Variants in STARD3 observed in about 807,000 individuals in gnomAD.
The protein encoded by STARD3 is stAR-related lipid transfer protein 3.
Under a neutral mutation model 62.0 loss-of-function variants are expected in STARD3, and 39 were observed. That is an observed-to-expected ratio of 0.63 (90% confidence interval 0.49 to 0.82). The LOEUF (loss-of-function observed/expected upper bound fraction) is 0.82. STARD3 is among the 40% of genes least tolerant of loss of function. The probability of loss-of-function intolerance (pLI) is 0.00; values close to 1 mark genes in which losing one functional copy is unlikely to be tolerated. For missense variants in STARD3, 543 were observed against 584.5 expected, an observed-to-expected ratio of 0.93 and a Z score of 0.73; for synonymous variants, 229 against 242.4, an observed-to-expected ratio of 0.94 and a Z score of 0.51.
chr17:39,651,245 A>C (rs928165823), intron 1 of STARD3, among the ~76,000 whole-genome samples: 1 of 152,232 alleles, frequency 6.6e-6, no homozygotes, highest in Non-Finnish European at 1.5e-5. Context: ...GCACAGGGGC[A>C]GAGGGATGGA....
intron 1 of STARD3, among the ~76,000 whole-genome samples, chr17:39,644,345 A>AGTGGTG (rs1056899882): frequency 6.6e-6 from 1 of 152,068 alleles, no homozygotes; most frequent in Admixed American, 6.5e-5. Flanking sequence ...GGAGACTCGA[A>AGTGGTG]GTGGTGGTGG....
chr17:39,658,185 C>A, intron 5 of STARD3, 159 bp downstream of exon 5: 1 of 943,874 alleles, frequency 1.1e-6, no homozygotes, highest in South Asian at 1.4e-5. Context: ...TCATCCTTCA[C>A]CCGCTTCCCT....
At chr17:39,644,608 G>A (rs939717128) in intron 1 of STARD3, among the ~76,000 whole-genome samples, 11 of 151,162 alleles carry the variant, frequency 7.3e-5, no homozygotes, top group African/African-American at 2.7e-4. Context: ...GGCCAAGGCG[G>A]GGAGATTGCT....
chr17:39,645,141 G>A (rs2057013590), intron 1 of STARD3, among the ~76,000 whole-genome samples: 1 of 152,194 alleles, frequency 6.6e-6, no homozygotes, highest in Non-Finnish European at 1.5e-5. Flanking sequence ...GTGGGAGCTT[G>A]CAATTGCAGA....
At chr17:39,653,264 A>G in intron 1 of STARD3, 1 of 544,652 alleles carries the variant, frequency 1.8e-6, no homozygotes, top group African/African-American at 1.9e-5. Context: ...GGCTTGGGGC[A>G]GGGAGCACCA....
At chr17:39,658,667 C>T in intron 6 of STARD3, 55 bp from the exon 7 acceptor site, 1 of 1,608,414 alleles carries the variant, frequency 6.2e-7, no homozygotes. Flanking sequence ...GTGGGGGTAC[C>T]CCAGGCTGCT....
intron 1 of STARD3, among the ~76,000 whole-genome samples, chr17:39,641,463 A>C (rs1169653269): frequency 6.6e-6 from 1 of 152,042 alleles, no homozygotes; most frequent in African/African-American, 2.4e-5. Context: ...CTTAAAAAAA[A>C]AAAAAGTGTC....
intron 1 of STARD3, among the ~76,000 whole-genome samples, chr17:39,649,815 G>C (rs528637361): frequency 6.7e-6 from 1 of 148,330 alleles, no homozygotes; most frequent in Non-Finnish European, 1.5e-5. Context: ...GCAGTGAGCT[G>C]GGATCGCGCC....
chr17:39,643,335 C>G (rs2144906142), intron 1 of STARD3, among the ~76,000 whole-genome samples: 1 of 152,276 alleles, frequency 6.6e-6, no homozygotes, highest in South Asian at 2.1e-4. Context: ...AGGTCCCAGC[C>G]TGTCATGGGG....
intron 9 of STARD3, chr17:39,659,839 GT>G (rs1248777323): frequency 4.1e-6 from 2 of 483,442 alleles, no homozygotes; most frequent in Non-Finnish European, 7.4e-6. Context: ...TGCATCCGTT[GT>G]TTCGTTTCAT....
chr17:39,639,401 T>C (rs184322849), intron 1 of STARD3, among the ~76,000 whole-genome samples: 19 of 152,278 alleles, frequency 1.2e-4, no homozygotes, highest in African/African-American at 4.3e-4. Context: ...TAGAGAAATG[T>C]ATAGATCTGG....
chr17:39,663,110 G>T lies in STARD3; in HGVS notation c.*202G>T. ...GACTCCGGGGCCCCACTGGCTGGAG[G>T]AAGTGGGGTCTGGCCTGTTGATGTT... On this transcript the variant is annotated 3_prime_UTR_variant, in exon 15 of 15. Transcript: ENST00000336308. 2 of 520,890 alleles carry T rather than the reference G, an allele frequency of 3.8e-6. No homozygotes were observed. The highest frequency in any genetic ancestry group is 3.3e-6 in the Non-Finnish European group (1 of 300,188). The allele number at this position is 520,890 out of a possible 1,614,324, so 32.3% of individuals were successfully genotyped here. A position where few individuals can be genotyped will look rare whatever the true frequency, so the allele number is the denominator to read the frequency against.
At chr17:39,662,210 A>T (rs746550727) in intron 13 of STARD3, 41 bp from the exon 14 acceptor site, 3 of 1,584,204 alleles carry the variant, frequency 1.9e-6, no homozygotes, top group Non-Finnish European at 2.6e-6. Context: ...TCAGGGCCTC[A>T]CTCTGTTCCA....
chr17:39,656,683 C>G (rs1253727098), intron 2 of STARD3, among the ~76,000 whole-genome samples: 1 of 152,132 alleles, frequency 6.6e-6, no homozygotes, highest in Non-Finnish European at 1.5e-5. Flanking sequence ...TTTCGGCGCC[C>G]TTCTGCTGGC....
chr17:39,639,950 GC>G (rs1475898936), intron 1 of STARD3, among the ~76,000 whole-genome samples: 3 of 152,188 alleles, frequency 2.0e-5, no homozygotes, highest in African/African-American at 7.2e-5. Context: ...TTCTCTGGGA[GC>G]CCACGGTCCT....
intron 2 of STARD3, 88 bp from the exon 3 acceptor site, chr17:39,656,920 C>A: frequency 7.5e-7 from 1 of 1,341,932 alleles, no homozygotes; most frequent in Non-Finnish European, 1.1e-6. Context: ...GTTCCTCCAT[C>A]CCCTACCTCT....
chr17:39,646,052 C>A (rs768296596), intron 1 of STARD3, among the ~76,000 whole-genome samples: 1 of 151,220 alleles, frequency 6.6e-6, no homozygotes, highest in Non-Finnish European at 1.5e-5. Flanking sequence ...CCACCACACC[C>A]GGCTATTTTT....
chr17:39,653,757 G>T lies in STARD3; in HGVS notation c.219+7G>T. 6.2e-7 allele frequency: 1 copy of T among 1,613,876 alleles called. No homozygotes were observed. Among genetic ancestry groups the T allele is most frequent in the Non-Finnish European group, 8.5e-7 (1 of 1,179,970 alleles). On this transcript the variant is annotated splice_region_variant and intron_variant, in intron 2 of 14. Transcript: ENST00000336308. ...CTGGATCATCGAACTGAATGTGAGT[G>T]GGGGCGAGGTGGGGGCACAGGCCAT...
intron 13 of STARD3, chr17:39,661,350 G>T: frequency 1.9e-6 from 1 of 519,022 alleles, no homozygotes; most frequent in South Asian, 2.1e-5. Flanking sequence ...GTAGACCATG[G>T]ATGGGGACCC....
Sources: allele counts gnomAD v4.1 joint callset (sites outside exome capture counted in the v4.1 genomes callset), GRCh38; gene constraint gnomAD v4.1.1; transcripts MANE v1.5; gene names NCBI Gene and HGNC (gene_info 2026-07-23, HGNC 2026-07-21).